The following CYSLTR1 variants were observed in gnomAD, a reference collection of about 807,000 sequenced individuals.
CYSLTR1 encodes the protein G-protein coupled receptor HG55.
In CYSLTR1, 1 loss-of-function variant was observed where a neutral mutation model predicts 2.1. The observed-to-expected ratio is 0.48, with a 90% CI of 0.17 to 2.28. CYSLTR1 has a LOEUF of 2.28. CYSLTR1 is among the 30% of genes most tolerant of loss of function. The pLI, the probability that CYSLTR1 is intolerant of heterozygous loss-of-function variation, is 0.26. For missense variants in CYSLTR1, 299 were observed against 250.1 expected (o/e 1.20, Z -1.32); for synonymous variants, 110 against 89.6 (o/e 1.23, Z -1.28).
rs759997255 is a variant in CYSLTR1, at chrX:78,273,203, TTTGA to T, written c.540_543del (p.Asn180LysfsTer25). Reference sequence around the variant, plus strand: ...TGCAAGACCAAAACATGATTTTTAGTTTGATTGTCTTGTGGGGGCTCAAAGCACT... The same window carrying T: ...TGCAAGACCAAAACATGATTTTTAGTTTGTCTTGTGGGGGCTCAAAGCACT... On this transcript the variant is annotated frameshift_variant, in exon 3 of 3. Coordinates refer to ENST00000373304, the MANE Select transcript of CYSLTR1 (RefSeq NM_006639.4). LOFTEE classifies it low-confidence loss of function (END_TRUNC). 2 of 1,210,822 alleles carry T rather than the reference TTTGA, an allele frequency of 1.7e-6. No homozygotes were observed. The highest frequency in any genetic ancestry group is 3.5e-5 in the South Asian group (2 of 56,877).
Position 78,320,075 on chromosome X carries a change from T to C in CYSLTR1, c.-115+7230A>G, listed in dbSNP as rs763652361. On this transcript the variant is annotated intron_variant, in intron 1 of 2. Transcript: ENST00000373304. ...TCTATAGGTTGCCTATTCACTCTGA[T>C]GGTAGTTTCTTTTGCTGTGCAGAAG... 4.5e-5 allele frequency: 5 copies of C among 112,205 alleles called. No individual in the cohort carries two copies. In the East Asian group the frequency reaches 1.4e-3, roughly 31 times the overall value. The allele number at this position is 112,205 out of a possible 1,213,427, so 9.2% of individuals were successfully genotyped here.
chrX:78,287,543 C>T (rs1024001454), intron 1 of CYSLTR1, among the ~76,000 whole-genome samples: 2 of 111,016 alleles, frequency 1.8e-5, no homozygotes, highest in African/African-American at 3.3e-5. Flanking sequence ...TTACAATGGG[C>T]GAATTTTATG....
At chrX:78,283,574 C>G (rs1476943108) in intron 1 of CYSLTR1, 34 bp from the exon 2 acceptor site, 1 of 112,244 alleles carries the variant, frequency 8.9e-6, no homozygotes, top group Non-Finnish European at 1.9e-5. Flanking sequence ...CAGTTAACAA[C>G]TGTAGAAGCA....
chrX:78,324,571 T>C (rs751919084), intron 1 of CYSLTR1, among the ~76,000 whole-genome samples: 2 of 111,307 alleles, frequency 1.8e-5, no homozygotes, highest in Non-Finnish European at 3.8e-5. Flanking sequence ...TTTCACCATA[T>C]TGGCCAGGAT....
intron 2 of CYSLTR1, among the ~76,000 whole-genome samples, 179 bp from the exon 3 acceptor site, chrX:78,273,952 C>T (rs1921445158): frequency 9.0e-6 from 1 of 110,821 alleles, no homozygotes; most frequent in Non-Finnish European, 1.9e-5. Flanking sequence ...CCGTATCCTA[C>T]AGGTATCCAG....
At chrX:78,311,920 T>C (rs757871295) in intron 1 of CYSLTR1, among the ~76,000 whole-genome samples, 5 of 112,324 alleles carry the variant, frequency 4.5e-5, no homozygotes, top group Non-Finnish European at 7.5e-5. Context: ...AAGCCATTTA[T>C]GGATTTAATG....
At chrX:78,314,129 T>TCATAATGGAAAGG (rs760366351) in intron 1 of CYSLTR1, among the ~76,000 whole-genome samples, 4 of 111,288 alleles carry the variant, frequency 3.6e-5, no homozygotes, top group Non-Finnish European at 7.5e-5. Context: ...GAGAATTTAC[T>TCATAATGGAAAGG]CATAATGGAA....
At chrX:78,280,310 G>T (rs778346058) in intron 2 of CYSLTR1, among the ~76,000 whole-genome samples, 39 of 111,329 alleles carry the variant, frequency 3.5e-4, no homozygotes, top group African/African-American at 1.3e-3. Flanking sequence ...TTTCTAAACT[G>T]GGCAATATTA....
chrX:78,292,016 G>C (rs989541476), intron 1 of CYSLTR1, among the ~76,000 whole-genome samples: 1 of 110,626 alleles, frequency 9.0e-6, no homozygotes, highest in Non-Finnish European at 1.9e-5. Flanking sequence ...TGCTAGCTTT[G>C]AATTTGTTTG....
intron 2 of CYSLTR1, among the ~76,000 whole-genome samples, chrX:78,274,915 A>G (rs1447837141): frequency 1.8e-5 from 2 of 111,945 alleles, no homozygotes; most frequent in East Asian, 2.8e-4. Flanking sequence ...AAAAGTGGGC[A>G]AAGGATATGA....
At chrX:78,315,349 A>G (rs772444379) in intron 1 of CYSLTR1, among the ~76,000 whole-genome samples, 2 of 111,224 alleles carry the variant, frequency 1.8e-5, no homozygotes, top group African/African-American at 6.5e-5. Context: ...TGGCTGAGGC[A>G]AGATTCCTTC....
intron 1 of CYSLTR1, among the ~76,000 whole-genome samples, chrX:78,287,455 G>A (rs1274118020): frequency 9.0e-6 from 1 of 111,680 alleles, no homozygotes; most frequent in African/African-American, 3.3e-5. Context: ...TCTGGGGGTG[G>A]TGAAAGTGTT....
chrX:78,282,259 G>A (rs1921875224), intron 2 of CYSLTR1, among the ~76,000 whole-genome samples: 1 of 111,405 alleles, frequency 9.0e-6, no homozygotes, highest in Non-Finnish European at 1.9e-5. Context: ...TTCTATCTTT[G>A]ATGAACTTCT....
intron 1 of CYSLTR1, among the ~76,000 whole-genome samples, chrX:78,325,873 A>G (rs1475561813): frequency 8.9e-6 from 1 of 112,183 alleles, no homozygotes; most frequent in Non-Finnish European, 1.9e-5. Context: ...ACTGTGGAAG[A>G]GTCTTGCTTT....
At chrX:78,301,559 C>T (rs1203386163) in intron 1 of CYSLTR1, among the ~76,000 whole-genome samples, 1 of 112,113 alleles carries the variant, frequency 8.9e-6, no homozygotes, top group Non-Finnish European at 1.9e-5. Flanking sequence ...ACAAGTTTCT[C>T]ATCTCCATCT....
At chrX:78,289,271 T>C (rs1162303375) in intron 1 of CYSLTR1, among the ~76,000 whole-genome samples, 1 of 111,685 alleles carries the variant, frequency 9.0e-6, no homozygotes, top group Non-Finnish European at 1.9e-5. Flanking sequence ...GCTTCATCCA[T>C]GTCCCTGCAA....
At chrX:78,320,121 C>A (rs1923582618) in intron 1 of CYSLTR1, 3 of 111,942 alleles carry the variant, frequency 2.7e-5, no homozygotes, top group African/African-American at 6.5e-5. Context: ...TAATTAGATC[C>A]CATTTGTCAA....
intron 2 of CYSLTR1, among the ~76,000 whole-genome samples, chrX:78,275,817 A>G (rs1921567043): frequency 8.9e-6 from 1 of 111,768 alleles, no homozygotes; most frequent in Admixed American, 9.5e-5. Context: ...ATACCTATGG[A>G]AAATAATCTA....
intron 1 of CYSLTR1, among the ~76,000 whole-genome samples, chrX:78,325,675 A>G (rs1170335326): frequency 1.8e-5 from 2 of 111,732 alleles, no homozygotes; most frequent in East Asian, 5.6e-4. Context: ...TGTTAGGAAC[A>G]TGAGAATAAC....
Sources: gnomAD v4.1 joint callset for allele counts (sites outside exome capture counted in the v4.1 genomes callset) on GRCh38, gnomAD v4.1.1 for gene constraint, MANE v1.5 for transcripts, NCBI Gene and HGNC (gene_info 2026-07-23, HGNC 2026-07-21) for gene names.